Variants in KHDRBS2 observed in about 807,000 individuals in gnomAD.
KHDRBS2 encodes KH RNA binding domain containing, signal transduction associated 2, also known as KH domain-containing, RNA-binding, signal transduction-associated protein 2.
In KHDRBS2, 26 loss-of-function variants were observed where a neutral mutation model predicts 44.3. That is an observed-to-expected ratio of 0.59 (90% CI 0.43 to 0.81). The LOEUF (loss-of-function observed/expected upper bound fraction) is 0.81. Ranked by LOEUF, KHDRBS2 falls within the 40% of genes least tolerant of loss-of-function variation. The pLI is 0.00. For missense variants in KHDRBS2, 476 were observed against 433.1 expected, an observed-to-expected ratio of 1.10 and a Z score of -0.88; for synonymous variants, 194 against 151.1, an observed-to-expected ratio of 1.28 and a Z score of -2.08.
intron 6 of KHDRBS2, among the ~76,000 whole-genome samples, chr6:61,843,815 G>A (rs566671735): frequency 6.6e-6 from 1 of 151,874 alleles, no homozygotes; most frequent in Non-Finnish European, 1.5e-5. Context: ...CCACTATTGT[G>A]CATTTTTATC....
chr6:61,688,973 A>G (rs780871517), intron 8 of KHDRBS2, among the ~76,000 whole-genome samples: 5 of 151,958 alleles, frequency 3.3e-5, no homozygotes, highest in Non-Finnish European at 5.9e-5. Flanking sequence ...AAGACTAACC[A>G]TAATATTAGA....
intron 2 of KHDRBS2, among the ~76,000 whole-genome samples, chr6:62,106,850 T>G (rs1202870898): frequency 6.6e-6 from 1 of 152,008 alleles, no homozygotes; most frequent in Non-Finnish European, 1.5e-5. Context: ...ACCACATGAT[T>G]ATCTCAATAG....
intron 3 of KHDRBS2, among the ~76,000 whole-genome samples, chr6:62,001,783 T>G (rs575629868): frequency 4.7e-4 from 71 of 152,168 alleles, no homozygotes; most frequent in Non-Finnish European, 8.2e-4. Flanking sequence ...AAAATGACAC[T>G]CAGGTGAACA....
At chr6:62,194,075 G>T (rs1825134636) in intron 1 of KHDRBS2, among the ~76,000 whole-genome samples, 1 of 151,966 alleles carries the variant, frequency 6.6e-6, no homozygotes, top group East Asian at 1.9e-4. Flanking sequence ...TTGTAATTTT[G>T]ATGTAGTTCA....
At chr6:62,157,571 G>T (rs967247342) in intron 2 of KHDRBS2, among the ~76,000 whole-genome samples, 10 of 152,118 alleles carry the variant, frequency 6.6e-5, no homozygotes, top group African/African-American at 2.2e-4. Context: ...ATGTAGTATT[G>T]AAGTACGTAC....
intron 2 of KHDRBS2, among the ~76,000 whole-genome samples, chr6:62,053,445 T>C (rs1789539793): frequency 6.6e-6 from 1 of 152,030 alleles, no homozygotes; most frequent in South Asian, 2.1e-4. Flanking sequence ...ATGATTGAGT[T>C]TTATTTATCA....
intron 2 of KHDRBS2, among the ~76,000 whole-genome samples, chr6:62,093,634 C>G (rs1360517309): frequency 6.6e-6 from 1 of 151,818 alleles, no homozygotes; most frequent in African/African-American, 2.4e-5. Flanking sequence ...GTTGACCAAT[C>G]TCTCATCCCT....
At chr6:62,135,330 G>A (rs112667517) in intron 2 of KHDRBS2, among the ~76,000 whole-genome samples, 2 of 152,116 alleles carry the variant, frequency 1.3e-5, no homozygotes, top group African/African-American at 4.8e-5. Context: ...CGCAATGTGA[G>A]GCCTCTCCAG....
chr6:61,871,056 C>T (rs1562341551), intron 6 of KHDRBS2, among the ~76,000 whole-genome samples: 1 of 152,058 alleles, frequency 6.6e-6, no homozygotes, highest in South Asian at 2.1e-4. Context: ...ATAACAAATT[C>T]CTCTGAGCTA....
chr6:62,063,192 C>A (rs1269209332), intron 2 of KHDRBS2, among the ~76,000 whole-genome samples: 1 of 115,886 alleles, frequency 8.6e-6, no homozygotes, highest in African/African-American at 2.9e-5. Context: ...CCGAATTCTA[C>A]CAGAGGTACA....
the KHDRBS2 span, among the ~76,000 whole-genome samples, chr6:61,593,303 G>C: frequency 1.1e-4 from 17 of 152,214 alleles, no homozygotes; most frequent in South Asian, 1.7e-3. Context: ...AATCTCTAGT[G>C]ATTTTAAGTC....
intron 2 of KHDRBS2, among the ~76,000 whole-genome samples, chr6:62,157,783 T>C (rs1816782334): frequency 6.6e-6 from 1 of 152,204 alleles, no homozygotes; most frequent in Non-Finnish European, 1.5e-5. Flanking sequence ...AGAGAAATAA[T>C]GTTTTAAAAC....
rs540644080 is a variant in KHDRBS2 at position 62,033,352 on chromosome 6, T to C, written c.336+14526A>G. 8.6e-5 allele frequency among the ~76,000 whole-genome samples: 13 copies of C among 151,982 alleles called. No individual in the cohort carries two copies. In the South Asian group the frequency reaches 2.7e-3, roughly 31 times the overall value. On this transcript the variant is annotated intron_variant, in intron 3 of 8. Coordinates refer to ENST00000281156, the MANE Select transcript of KHDRBS2 (RefSeq NM_152688.4). ...CTAGAGAAAGATATCAATACTAAAG[T>C]ACAAGAAGTTTATATAACACCAAAC...
chr6:61,834,192 A>T (rs117979282), intron 6 of KHDRBS2, among the ~76,000 whole-genome samples: 1 of 152,012 alleles, frequency 6.6e-6, no homozygotes, highest in Non-Finnish European at 1.5e-5. Flanking sequence ...TATCTCCAAA[A>T]AATTCTCTCA....
chr6:61,898,597 A>T (rs993467804), intron 5 of KHDRBS2, among the ~76,000 whole-genome samples: 1 of 151,980 alleles, frequency 6.6e-6, no homozygotes, highest in Non-Finnish European at 1.5e-5. Flanking sequence ...TCACTTTGAG[A>T]TGTCAAAATG....
chr6:61,669,307 G>A, the KHDRBS2 span, among the ~76,000 whole-genome samples: 84 of 150,912 alleles, frequency 5.6e-4, 1 homozygote, highest in East Asian at 9.4e-3. Flanking sequence ...ACAATTGTTA[G>A]TCTCACTTTC....
At chr6:61,686,289 C>T (rs1031338768) in intron 8 of KHDRBS2, among the ~76,000 whole-genome samples, 12 of 151,744 alleles carry the variant, frequency 7.9e-5, no homozygotes, top group African/African-American at 1.9e-4. Flanking sequence ...CATTACAAAC[C>T]GCTAGTGTTT....
chr6:61,626,872 G>GTT, the KHDRBS2 span, among the ~76,000 whole-genome samples: 3 of 148,222 alleles, frequency 2.0e-5, no homozygotes, highest in Non-Finnish European at 1.5e-5. Context: ...TCTCTCTTCA[G>GTT]TTTTTTTTTT....
chr6:61,962,997 C>T (rs573008720), intron 4 of KHDRBS2, among the ~76,000 whole-genome samples: 65 of 152,026 alleles, frequency 4.3e-4, no homozygotes, highest in Non-Finnish European at 7.6e-4. Flanking sequence ...TTTGTGCTGG[C>T]CATTCTGTTT....
Sources: allele counts gnomAD v4.1 joint callset (sites outside exome capture counted in the v4.1 genomes callset), GRCh38; gene constraint gnomAD v4.1.1; transcripts MANE v1.5; gene names NCBI Gene and HGNC (gene_info 2026-07-23, HGNC 2026-07-21).